JUP: variants seen among roughly 807,000 people sequenced by gnomAD.
JUP encodes the protein junction plakoglobin.
A neutral mutation model predicts 71.1 loss-of-function variants in JUP; 28 were observed. The ratio of observed to expected loss-of-function variants is 0.39; its 90% CI spans 0.29 to 0.54. JUP has a LOEUF of 0.54. Among genes scored for constraint, JUP ranks in the 20% least tolerant of loss-of-function variants. The probability of loss-of-function intolerance (pLI) is 0.62; values close to 1 mark genes in which losing one functional copy is unlikely to be tolerated. For missense variants in JUP, 869 were observed against 1,030.1 expected (o/e 0.84, Z 2.14); for synonymous variants, 401 against 438.9 (o/e 0.91, Z 1.08).
chr17:41,762,799 C>T (rs1369667101), intron 8 of JUP, among the ~76,000 whole-genome samples, 184 bp downstream of exon 8: 1 of 152,164 alleles, frequency 6.6e-6, no homozygotes, highest in African/African-American at 2.4e-5. Flanking sequence ...GATAGAAATC[C>T]CAATTCTGGA....
At position 41,768,978 on chromosome 17, in the gene JUP, C is replaced by A. The variant is rs1304500107; in HGVS notation, c.698G>T (p.Arg233Leu). The A allele has an allele frequency of 3.7e-6, 6 of 1,603,808 alleles. No individual in the cohort carries two copies. Among genetic ancestry groups the A allele is most frequent in the African/African-American group, 1.3e-5 (1 of 74,878 alleles). The part of the protein sequence containing the change: ...FKSGGIPALV[R>L]MLSSPVESVL... ...GAGCAGGGTTGGGTACCTGAGCATG[C>A]GGACCAGAGCAGGGATGCCACCCGA... The change falls in exon 4 of 14, where the codon CGC becomes CTC. Residue 233 changes from arginine (R) to leucine (L), a missense_variant. By Grantham distance (102) the Arg-to-Leu change is moderately radical (BLOSUM62 -2). Transcript: ENST00000393931.
chr17:41,775,867 C>A (rs2046858367), intron 1 of JUP: 1 of 529,062 alleles, frequency 1.9e-6, no homozygotes, highest in South Asian at 8.1e-5. Context: ...TTCTTTCCTG[C>A]CTCCTCCTCT....
chr17:41,759,902 A>T (rs1597790156), intron 8 of JUP, among the ~76,000 whole-genome samples: 1 of 152,004 alleles, frequency 6.6e-6, no homozygotes, highest in Non-Finnish European at 1.5e-5. Flanking sequence ...TTTTCTAAAC[A>T]TGAATTTTCT....
At chr17:41,763,971 G>T (rs1192312950) in intron 7 of JUP, among the ~76,000 whole-genome samples, 1 of 152,170 alleles carries the variant, frequency 6.6e-6, no homozygotes, top group African/African-American at 2.4e-5. Context: ...ATGGCCATTA[G>T]CTCCCCGAGC....
chr17:41,781,857 T>A (rs550312951), intron 1 of JUP, among the ~76,000 whole-genome samples: 43 of 152,310 alleles, frequency 2.8e-4, no homozygotes, highest in African/African-American at 1.0e-3. Context: ...CTGTCTAGAC[T>A]GCGTCCCTTC....
At chr17:41,773,537 T>C (rs962173839) in intron 1 of JUP, among the ~76,000 whole-genome samples, 3 of 152,154 alleles carry the variant, frequency 2.0e-5, no homozygotes, top group African/African-American at 7.2e-5. Context: ...GGCCGCCAGA[T>C]GTGCACAGCT....
intron 12 of JUP, 135 bp from the exon 13 acceptor site, chr17:41,756,349 C>T: frequency 1.2e-6 from 1 of 832,202 alleles, no homozygotes; most frequent in Non-Finnish European, 2.0e-6. Context: ...CCTGTAATCC[C>T]AGCACTCTGG....
intron 8 of JUP, among the ~76,000 whole-genome samples, chr17:41,759,820 T>G (rs1914502007): frequency 6.6e-6 from 1 of 152,080 alleles, no homozygotes; most frequent in Non-Finnish European, 1.5e-5. Flanking sequence ...AGCTGCTGGG[T>G]TAGGATGCAA....
At chr17:41,768,537 G>C (rs1302705752) in intron 4 of JUP, among the ~76,000 whole-genome samples, 2 of 151,976 alleles carry the variant, frequency 1.3e-5, no homozygotes, top group African/African-American at 2.4e-5. Context: ...ACTCCAGCTT[G>C]GGTGACAGAG....
chr17:41,761,418 G>A (rs1914787696), intron 8 of JUP, among the ~76,000 whole-genome samples: 2 of 152,164 alleles, frequency 1.3e-5, no homozygotes, highest in African/African-American at 4.8e-5. Flanking sequence ...CATCCGTGGG[G>A]ATGATACAGT....
chr17:41,768,445 C>T (rs1240255028), intron 4 of JUP, among the ~76,000 whole-genome samples: 1 of 151,722 alleles, frequency 6.6e-6, no homozygotes, highest in Non-Finnish European at 1.5e-5. Context: ...GCTTGTAATC[C>T]CAGCTACTCA....
intron 2 of JUP, among the ~76,000 whole-genome samples, chr17:41,769,948 G>A (rs549753567): frequency 6.7e-6 from 1 of 149,926 alleles, no homozygotes; most frequent in Admixed American, 6.6e-5. Context: ...GCCTGGCAGT[G>A]AATTCAATGC....
intron 1 of JUP, among the ~76,000 whole-genome samples, chr17:41,782,695 G>C (rs2047225632): frequency 6.6e-6 from 1 of 152,032 alleles, no homozygotes; most frequent in South Asian, 2.1e-4. Context: ...CTGGTGGCCA[G>C]GACAGGTATC....
chr17:41,771,768 G>C lies in JUP; in HGVS notation c.87C>G (p.Gly29=). The change falls in exon 2 of 14, where the codon GGC becomes GGG. Residue 29 remains glycine (G), a synonymous_variant. Transcript: ENST00000393931. The part of the protein sequence containing the change: ...TYTYDSGIHS[G]ANTCVPSVSS... ...TGACGGAGGGCACGCAGGTGTTGGC[G>C]CCCGAGTGGATACCCGAGTCGTAGG... The C allele has an allele frequency of 6.2e-7, 1 of 1,614,110 alleles. No homozygotes were observed. The highest frequency in any genetic ancestry group is 8.5e-7 in the Non-Finnish European group (1 of 1,179,984).
chr17:41,762,948 G>C, intron 8 of JUP, 35 bp downstream of exon 8: 3 of 1,593,308 alleles, frequency 1.9e-6, no homozygotes, highest in Non-Finnish European at 2.6e-6. Context: ...TAAGCCTGCT[G>C]CAGGGAGCTC....
chr17:41,758,203 T>C lies in JUP; in HGVS notation c.1773+196A>G, dbSNP rs554879907. On this transcript the variant is annotated intron_variant, in intron 10 of 13. Transcript: ENST00000393931. ...GTTTTTTTTTTCCATTTGTGATCTC[T>C]TTCCTTGCTTTGAAGCTTAGAAAGC... 67 of 583,570 alleles carry C rather than the reference T, an allele frequency of 1.1e-4. No individual in the cohort carries two copies. In the East Asian group the frequency reaches 1.8e-3, roughly 15 times the overall value. 36.1% of individuals were successfully genotyped at this position (583,570 alleles called of 1,614,324 possible).
At chr17:41,771,944 T>C in intron 1 of JUP, 82 bp from the exon 2 acceptor site, 2 of 1,156,538 alleles carry the variant, frequency 1.7e-6, no homozygotes, top group Non-Finnish European at 1.3e-6. Flanking sequence ...AAGCCCCGCC[T>C]GTCTTCCCAC....
In JUP at chr17:41,756,231, AAAC is replaced by A; in HGVS notation, c.2047-20_2047-18del. On this transcript the variant is annotated intron_variant, in intron 12 of 13. Coordinates refer to ENST00000393931, the MANE Select transcript of JUP (RefSeq NM_002230.4). ...GCTCTGGGCCTGAAAAAGGAGAGAGAAACATGGAGGGGAGGTTTGAAAATGCAG... is the reference window on the plus strand; with the variant it reads ...GCTCTGGGCCTGAAAAAGGAGAGAGAATGGAGGGGAGGTTTGAAAATGCAG... The A allele has an allele frequency of 6.2e-7, 1 of 1,613,194 alleles. No homozygotes were observed. The highest frequency in any genetic ancestry group is 1.1e-5 in the South Asian group (1 of 90,962).
At chr17:41,782,300 A>G (rs1241181401) in intron 1 of JUP, among the ~76,000 whole-genome samples, 1 of 152,150 alleles carries the variant, frequency 6.6e-6, no homozygotes, top group East Asian at 1.9e-4. Context: ...GCAGCTGCCT[A>G]TCTCAGGTCT....
Sources: allele counts gnomAD v4.1 joint callset (sites outside exome capture counted in the v4.1 genomes callset), GRCh38; gene constraint gnomAD v4.1.1; transcripts MANE v1.5; gene names NCBI Gene and HGNC (gene_info 2026-07-23, HGNC 2026-07-21).